SLC18A3: variants seen among roughly 807,000 people sequenced by gnomAD.
SLC18A3 encodes solute carrier family 18 member A3, also known as vesicular acetylcholine transporter.
Under a neutral mutation model 24.2 loss-of-function variants are expected in SLC18A3, and 18 were observed. The observed-to-expected ratio is 0.74, with a 90% CI of 0.51 to 1.10. SLC18A3 has a LOEUF of 1.10. SLC18A3 is among the 50% of genes least tolerant of loss of function. The pLI is 0.00. For missense variants in SLC18A3, 744 were observed against 750.7 expected, an observed-to-expected ratio of 0.99 and a Z score of 0.10; for synonymous variants, 415 against 355.4, an observed-to-expected ratio of 1.17 and a Z score of -1.89.
rs113595173 is a variant in SLC18A3 at position 49,610,694 on chromosome 10, G to T, written c.-47G>T. The T allele has an allele frequency of 1.2e-4, 178 of 1,448,844 alleles. 1 individual carries two copies. In the African/African-American group the frequency reaches 2.3e-3, roughly 19 times the overall value. The allele number at this position is 1,448,844 out of a possible 1,614,324, so 89.7% of individuals were successfully genotyped here. A position where few individuals can be genotyped will look rare whatever the true frequency, so the allele number is the denominator to read the frequency against. On this transcript the variant is annotated 5_prime_UTR_variant, in exon 1 of 1. Coordinates refer to ENST00000374115, the MANE Select transcript of SLC18A3 (RefSeq NM_003055.3). ...CGCCTCTGCACTGCGGGACGCCAGC[G>T]CTCGGCCCTGGCGGAGGCGTCCTCG...
At position 49,611,694 on chromosome 10, in the gene SLC18A3, T is replaced by C. The variant is rs1460003493; in HGVS notation, c.954T>C (p.His318=). 9 of 1,609,796 alleles carry C rather than the reference T, an allele frequency of 5.6e-6. No individual in the cohort carries two copies. The highest frequency in any genetic ancestry group is 1.7e-5 in the Admixed American group (1 of 60,032). The part of the protein sequence containing the change: ...LEPTIATWMK[H]TMAASEWEMG... ...CCACCATTGCCACGTGGATGAAGCATACGATGGCGGCTTCCGAGTGGGAGA... is the reference window on the plus strand; with the variant it reads ...CCACCATTGCCACGTGGATGAAGCACACGATGGCGGCTTCCGAGTGGGAGA... Residue 318 remains histidine, a synonymous_variant, in exon 1 of 1, where the codon CAT becomes CAC. Coordinates refer to ENST00000374115, the MANE Select transcript of SLC18A3 (RefSeq NM_003055.3).
Position 49,612,345 on chromosome 10 carries a change from C to T in SLC18A3, c.*6C>T, listed in dbSNP as rs1285034659. The T allele has an allele frequency of 6.3e-7, 1 of 1,576,270 alleles. No homozygotes were observed. The highest frequency in any genetic ancestry group is 1.3e-5 in the African/African-American group (1 of 74,344). ...ACTACTACACCCGCAGCTAGCATCC[C>T]CACTCCTCCTCCAGCCCACCCAACC... On this transcript the variant is annotated 3_prime_UTR_variant, in exon 1 of 1. Coordinates refer to ENST00000374115, the MANE Select transcript of SLC18A3 (RefSeq NM_003055.3).
rs200894047 is a variant in SLC18A3 at position 49,611,090 on chromosome 10, C to T, written c.350C>T (p.Thr117Met). The T allele has an allele frequency of 2.5e-5, 41 of 1,613,942 alleles. No individual in the cohort carries two copies. Among genetic ancestry groups the T allele is most frequent in the Non-Finnish European group, 3.2e-5 (38 of 1,179,978 alleles). ...AGSALRPRYP[T>M]ESEDVKIGVL... is the part of the protein sequence containing the mutation. Reference sequence around the variant, plus strand: ...TCAGCCCTTCGGCCCCGCTACCCTACGGAGAGCGAAGACGTGAAGATCGGG... The same window carrying T: ...TCAGCCCTTCGGCCCCGCTACCCTATGGAGAGCGAAGACGTGAAGATCGGG... The change falls in exon 1 of 1, where the codon ACG (threonine) becomes ATG (methionine). Residue 117 changes from threonine to methionine, a missense_variant. Coordinates refer to ENST00000374115, the MANE Select transcript of SLC18A3 (RefSeq NM_003055.3).
rs981399429 is a variant in SLC18A3, at chr10:49,611,507, C to T, written c.767C>T (p.Ala256Val). The T allele has an allele frequency of 6.2e-7, 1 of 1,601,038 alleles. No individual in the cohort carries two copies. The highest frequency in any genetic ancestry group is 8.5e-7 in the Non-Finnish European group (1 of 1,179,902). Residue 256 changes from alanine (A) to valine (V), a missense_variant, in exon 1 of 1, where the codon GCG becomes GTG. This residue lies in a region of SLC18A3 where 566 missense variants were observed against 566.2 expected (regional missense o/e 1.00). Transcript: ENST00000374115. ...CTAGCTGCCGTGTCGCTCTTTGACG[C>T]GCTGTTGCTGCTGGCAGTGGCCAAA... ...LVLAAVSLFD[A>V]LLLLAVAKPF...
chr10:49,610,610 C>T lies in SLC18A3; in HGVS notation c.-131C>T. 1.1e-6 allele frequency: 1 copy of T among 878,372 alleles called. No individual in the cohort carries two copies. The highest frequency in any genetic ancestry group is 1.6e-6 in the Non-Finnish European group (1 of 620,344). 54.4% of individuals were successfully genotyped at this position (878,372 alleles called of 1,614,324 possible). A position where few individuals can be genotyped will look rare whatever the true frequency, so the allele number is the denominator to read the frequency against. ...GACGCTGGGCCATGAGCTCCGCGGC[C>T]ACCTGAGGCACAGGGGAGTCTGCTC... is the stretch of plus-strand genomic sequence containing the variant. On this transcript the variant is annotated 5_prime_UTR_variant, in exon 1 of 1. Transcript: ENST00000374115.
chr10:49,611,988 C>A lies in SLC18A3; in HGVS notation c.1248C>A (p.Val416=), dbSNP rs374465426. The A allele has an allele frequency of 1.2e-6, 2 of 1,613,794 alleles. No individual in the cohort carries two copies. The change falls in exon 1 of 1, where the codon GTC becomes GTA. Residue 416 remains valine, a synonymous_variant. Transcript: ENST00000374115. ...TGGTGGACGTGCGCCATGTCTCAGT[C>A]TATGGCAGCGTCTACGCCATCGCCG... The part of the protein sequence containing the change: ...AFLVDVRHVS[V]YGSVYAIADI...
chr10:49,611,457 C>G lies in SLC18A3; in HGVS notation c.717C>G (p.Ala239=), dbSNP rs770074384. ...TCGGGGGCATCCTCTATGAGTTCGC[C>G]GGCAAGCGCGTGCCCTTCTTGGTGC... is the stretch of plus-strand genomic sequence containing the variant. ...PPFGGILYEF[A]GKRVPFLVLA... The change falls in exon 1 of 1, where the codon GCC becomes GCG. Residue 239 remains alanine (A), a synonymous_variant. Transcript: ENST00000374115. 3 of 1,598,298 alleles carry G rather than the reference C, an allele frequency of 1.9e-6. No homozygotes were observed. The highest frequency in any genetic ancestry group is 2.2e-5 in the East Asian group (1 of 44,788).
rs2132686941 is a variant in SLC18A3 at position 49,611,401 on chromosome 10, A to G, written c.661A>G (p.Ile221Val). The change falls in exon 1 of 1, where the codon ATT (isoleucine) becomes GTT (valine). Residue 221 changes from isoleucine (I) to valine (V), a missense_variant. Coordinates refer to ENST00000374115, the MANE Select transcript of SLC18A3 (RefSeq NM_003055.3). ...TGCACTGGGCGTGGCGCTGGCCTTC[A>G]TTAGCTTCGGAAGCCTAGTGGCCCC... ...SRALGVALAF[I>V]SFGSLVAPPF... The G allele has an allele frequency of 1.3e-6, 2 of 1,598,518 alleles. No individual in the cohort carries two copies. Among genetic ancestry groups the G allele is most frequent in the Non-Finnish European group, 1.7e-6 (2 of 1,179,374 alleles).
chr10:49,611,951 C>T lies in SLC18A3; in HGVS notation c.1211C>T (p.Thr404Met), dbSNP rs2132688378. The T allele has an allele frequency of 1.2e-6, 2 of 1,612,536 alleles. No individual in the cohort carries two copies. The highest frequency in any genetic ancestry group is 2.2e-5 in the East Asian group (1 of 44,824). ...IALVDTALLP[T>M]LAFLVDVRHV... ...CTAGTCGACACAGCACTGCTGCCCA[C>T]GCTCGCCTTCCTGGTGGACGTGCGC... Residue 404 changes from threonine (T) to methionine (M), a missense_variant, in exon 1 of 1, where the codon ACG (threonine) becomes ATG (methionine). Around this residue, in one of 3 missense-constraint regions of SLC18A3, gnomAD observed 18 missense variants for 43.6 expected, o/e 0.41. Transcript: ENST00000374115.
rs1302598736 is a variant in SLC18A3 at position 49,610,708 on chromosome 10, G to C, written c.-33G>C. ...GGGACGCCAGCGCTCGGCCCTGGCG[G>C]AGGCGTCCTCGGAAGAGCATCGGGG... On this transcript the variant is annotated 5_prime_UTR_variant, in exon 1 of 1. Transcript: ENST00000374115. 45 of 1,463,190 alleles carry C rather than the reference G, an allele frequency of 3.1e-5. No homozygotes were observed. The highest frequency in any genetic ancestry group is 4.0e-5 in the Non-Finnish European group (44 of 1,112,980). The allele number at this position is 1,463,190 out of a possible 1,614,324, so 90.6% of individuals were successfully genotyped here.
rs920596924 is a variant in SLC18A3 at position 49,612,209 on chromosome 10, C to T, written c.1469C>T (p.Pro490Leu). The change falls in exon 1 of 1, where the codon CCG (proline) becomes CTG (leucine). Residue 490 changes from proline (P) to leucine (L), a missense_variant. Around this residue, in one of 3 missense-constraint regions of SLC18A3, gnomAD observed 160 missense variants for 140.9 expected, o/e 1.14. Transcript: ENST00000374115. ...SERDVLLDEP[P>L]QGLYDAVRLR... ...CGCGATGTGCTGCTTGATGAGCCAC[C>T]GCAAGGTCTGTACGATGCGGTGCGC... is the stretch of plus-strand genomic sequence containing the variant. The T allele has an allele frequency of 1.9e-6, 3 of 1,609,144 alleles. No individual in the cohort carries two copies. Among genetic ancestry groups the T allele is most frequent in the Admixed American group, 1.7e-5 (1 of 60,028 alleles).
Position 49,612,154 on chromosome 10 carries a change from G to A in SLC18A3, c.1414G>A (p.Val472Met), listed in dbSNP as rs778197467. The change falls in exon 1 of 1, where the codon GTG becomes ATG. Residue 472 changes from valine (V) to methionine (M), a missense_variant. This residue lies in a region of SLC18A3 where 160 missense variants were observed against 140.9 expected (regional missense o/e 1.14). Coordinates refer to ENST00000374115, the MANE Select transcript of SLC18A3 (RefSeq NM_003055.3). ...TCCCGTCTTGCTGCTGCTCCGCAAC[G>A]TGGGCCTCCTGACGCGCTCCCGTTC... ...YAPVLLLLRN[V>M]GLLTRSRSER... The A allele has an allele frequency of 6.2e-6, 10 of 1,611,340 alleles. No homozygotes were observed. The highest frequency in any genetic ancestry group is 6.8e-6 in the Non-Finnish European group (8 of 1,179,804).
At position 49,611,728 on chromosome 10, in the gene SLC18A3, G is replaced by T; in HGVS notation, c.988G>T (p.Ala330Ser). 1.2e-6 allele frequency: 2 copies of T among 1,606,050 alleles called. No homozygotes were observed. The highest frequency in any genetic ancestry group is 1.7e-6 in the Non-Finnish European group (2 of 1,179,944). ...GGCTTCCGAGTGGGAGATGGGCATG[G>T]CCTGGCTGCCGGCCTTCGTGCCTCA... Reference protein sequence around the residue: ...MAASEWEMGMAWLPAFVPHVL... With the variant: ...MAASEWEMGMSWLPAFVPHVL... The change falls in exon 1 of 1, where the codon GCC (alanine) becomes TCC (serine). Residue 330 changes from alanine (A) to serine (S), a missense_variant. Physicochemically the swap from Ala to Ser is moderately conservative, Grantham distance 99. Transcript: ENST00000374115.
Position 49,612,566 on chromosome 10 carries a change from T to C in SLC18A3, c.*227T>C. 1.9e-6 allele frequency: 1 copy of C among 540,252 alleles called. No individual in the cohort carries two copies. The highest frequency in any genetic ancestry group is 3.5e-5 in the South Asian group (1 of 28,774). 33.5% of individuals were successfully genotyped at this position (540,252 alleles called of 1,614,324 possible). On this transcript the variant is annotated 3_prime_UTR_variant, in exon 1 of 1. Transcript: ENST00000374115. ...GAGGCCAGCGAAGCCATCGCGCTCC[T>C]TGCGGAGGTGAAGAGGACCCTGAGT...
rs138830933 is a variant in SLC18A3 at position 49,611,775 on chromosome 10, C to G, written c.1035C>G (p.Thr345=). 2.7e-4 allele frequency: 439 copies of G among 1,603,166 alleles called. 1 individual carries two copies. Among genetic ancestry groups the G allele is most frequent in the Non-Finnish European group, 3.4e-4 (403 of 1,179,888 alleles). The change falls in exon 1 of 1, where the codon ACC becomes ACG. Residue 345 remains threonine, a synonymous_variant. Coordinates refer to ENST00000374115, the MANE Select transcript of SLC18A3 (RefSeq NM_003055.3). The part of the protein sequence containing the change: ...FVPHVLGVYL[T]VRLAARYPHL... ...CTCATGTGCTGGGCGTCTACCTCACCGTGCGCCTGGCGGCGCGCTACCCAC... is the reference window on the plus strand; with the variant it reads ...CTCATGTGCTGGGCGTCTACCTCACGGTGCGCCTGGCGGCGCGCTACCCAC...
chr10:49,612,369 C>T lies in SLC18A3; in HGVS notation c.*30C>T. The T allele has an allele frequency of 6.4e-7, 1 of 1,556,230 alleles. No homozygotes were observed. The highest frequency in any genetic ancestry group is 8.7e-7 in the Non-Finnish European group (1 of 1,147,508). On this transcript the variant is annotated 3_prime_UTR_variant, in exon 1 of 1. Transcript: ENST00000374115. Reference sequence around the variant, plus strand: ...CCCACTCCTCCTCCAGCCCACCCAACCGCCTTGGGTCAAGGGGGCTGCTCT... The same window carrying T: ...CCCACTCCTCCTCCAGCCCACCCAATCGCCTTGGGTCAAGGGGGCTGCTCT...
Position 49,610,760 on chromosome 10 carries a change from C to A in SLC18A3, c.20C>A (p.Ala7Glu), listed in dbSNP as rs1159151577. ...GGGGGCATGGAATCCGCGGAACCTG[C>A]GGGCCAGGCCCGGGCGGCGGCCACC... MESAEP[A>E]GQARAAATKL... The change falls in exon 1 of 1, where the codon GCG (alanine) becomes GAG (glutamate). Residue 7 changes from alanine to glutamate, a missense_variant. Ala to Glu is a moderately radical substitution (Grantham distance 107, BLOSUM62 -1). Coordinates refer to ENST00000374115, the MANE Select transcript of SLC18A3 (RefSeq NM_003055.3). 6 of 1,537,192 alleles carry A rather than the reference C, an allele frequency of 3.9e-6. No homozygotes were observed. The highest frequency in any genetic ancestry group is 5.2e-6 in the Non-Finnish European group (6 of 1,145,264).
Position 49,611,952 on chromosome 10 carries a change from G to A in SLC18A3, c.1212G>A (p.Thr404=). 1 of 1,612,520 alleles carries A rather than the reference G, an allele frequency of 6.2e-7. No individual in the cohort carries two copies. The highest frequency in any genetic ancestry group is 1.1e-5 in the South Asian group (1 of 91,060). The change falls in exon 1 of 1, where the codon ACG becomes ACA. Residue 404 remains threonine, a synonymous_variant. Coordinates refer to ENST00000374115, the MANE Select transcript of SLC18A3 (RefSeq NM_003055.3). ...IALVDTALLP[T]LAFLVDVRHV... The stretch of plus-strand genomic sequence containing the variant: ...TAGTCGACACAGCACTGCTGCCCAC[G>A]CTCGCCTTCCTGGTGGACGTGCGCC...
chr10:49,611,156 A>G lies in SLC18A3; in HGVS notation c.416A>G (p.Asn139Ser), dbSNP rs748456801. 2 of 1,613,842 alleles carry G rather than the reference A, an allele frequency of 1.2e-6. No homozygotes were observed. Among genetic ancestry groups the G allele is most frequent in the African/African-American group, 1.3e-5 (1 of 74,860 alleles). The stretch of plus-strand genomic sequence containing the variant: ...AAGGCTATCCTGCAGCTGCTAGTGA[A>G]CCCCTTGAGCGGGCCCTTCATCGAC... ...ASKAILQLLVNPLSGPFIDRM... is the reference protein window; with the variant it reads ...ASKAILQLLVSPLSGPFIDRM... Residue 139 changes from asparagine (N) to serine (S), a missense_variant, in exon 1 of 1, where the codon AAC becomes AGC. Transcript: ENST00000374115.
Sources: gnomAD v4.1 joint callset for allele counts on GRCh38, gnomAD v4.1.1 for gene constraint, gnomAD v4.1.1 regional missense constraint, MANE v1.5 for transcripts, NCBI Gene and HGNC (gene_info 2026-07-23, HGNC 2026-07-21) for gene names.